Variants in RBBP8 observed in about 807,000 individuals in gnomAD.
RBBP8 encodes RB binding protein 8, endonuclease, also known as DNA endonuclease RBBP8.
RBBP8 carries 88 observed loss-of-function variants against 108.3 expected under a neutral mutation model. The observed-to-expected ratio is 0.81, with a 90% CI of 0.68 to 0.97. The LOEUF is 0.97. RBBP8 is among the 50% of genes least tolerant of loss of function. The probability of loss-of-function intolerance (pLI) is 0.00; values close to 1 mark genes in which losing one functional copy is unlikely to be tolerated. For missense variants in RBBP8, 1,023 were observed against 1,049.0 expected (o/e 0.98, Z 0.34); for synonymous variants, 332 against 348.2 (o/e 0.95, Z 0.52).
intron 3 of RBBP8, among the ~76,000 whole-genome samples, chr18:22,918,675 T>A (rs1909463309): frequency 1.3e-5 from 2 of 152,172 alleles, no homozygotes; most frequent in Non-Finnish European, 1.5e-5. Flanking sequence ...GCCAAGAATT[T>A]ATTTTCTTTC....
intron 2 of RBBP8, among the ~76,000 whole-genome samples, chr18:22,940,607 A>G (rs919507030): frequency 7.9e-5 from 12 of 152,036 alleles, no homozygotes; most frequent in Non-Finnish European, 2.9e-5. Flanking sequence ...GGCGTGAGCC[A>G]CTGCGCCCGG....
chr18:23,024,580 TA>T (rs983276988), intron 18 of RBBP8: 16 of 152,364 alleles, frequency 1.1e-4, no homozygotes, highest in African/African-American at 3.8e-4. Context: ...CCTTGTGGTT[TA>T]AAATACTGAG....
At chr18:22,975,080 A>G in intron 5 of RBBP8, 73 bp from the exon 6 acceptor site, 2 of 1,469,020 alleles carry the variant, frequency 1.4e-6, no homozygotes, top group Middle Eastern at 2.4e-4. Flanking sequence ...ATGCTGACAT[A>G]TTTTATTTGA....
intron 16 of RBBP8, among the ~76,000 whole-genome samples, chr18:23,011,734 C>T (rs1440375521): frequency 6.6e-6 from 1 of 152,020 alleles, no homozygotes; most frequent in Non-Finnish European, 1.5e-5. Flanking sequence ...CCACCGTGCC[C>T]GGCCTGATGC....
chr18:22,993,093 T>A lies in RBBP8; in HGVS notation c.1266T>A (p.Thr422=). Residue 422 remains threonine, a synonymous_variant, in exon 11 of 19, where the codon ACT becomes ACA. Transcript: ENST00000327155. ...ISESLGEQNR[T]EYGKDSNTDK... Reference sequence around the variant, plus strand: ...AATCCCTAGGTGAACAGAATAGGACTGAGTACGGTAAAGATTCTAACACTG... The same window carrying A: ...AATCCCTAGGTGAACAGAATAGGACAGAGTACGGTAAAGATTCTAACACTG... 1 of 1,613,988 alleles carries A rather than the reference T, an allele frequency of 6.2e-7. No individual in the cohort carries two copies. The highest frequency in any genetic ancestry group is 8.5e-7 in the Non-Finnish European group (1 of 1,179,888).
chr18:23,007,013 G>A (rs1747459224), intron 16 of RBBP8, among the ~76,000 whole-genome samples: 1 of 149,898 alleles, frequency 6.7e-6, no homozygotes, highest in African/African-American at 2.4e-5. Flanking sequence ...ATGTGTGTGT[G>A]TGTATTTCTT....
intron 16 of RBBP8, among the ~76,000 whole-genome samples, chr18:23,012,207 CCAAAAAA>C (rs1458420403): frequency 0.038 from 3,058 of 81,214 alleles, 201 homozygotes; most frequent in African/African-American, 0.14. Context: ...GATGCTGTCT[CCAAAAAA>C]AAAAAAAAAA....
rs189366622 is a variant in RBBP8, at chr18:22,972,082, G to A, written c.362-3071G>A. 4.2e-3 allele frequency among the ~76,000 whole-genome samples: 632 copies of A among 151,230 alleles called. 5 individuals carry two copies. The highest frequency in any genetic ancestry group is 0.015 in the African/African-American group (606 of 41,248). On this transcript the variant is annotated intron_variant, in intron 5 of 18. Transcript: ENST00000327155. ...TACGATCCAAAGAATTAGGGCAGGC[G>A]CGTTGGCTCACGCCTGTAATCCCAG...
At position 22,992,898 on chromosome 18, in the gene RBBP8, A is replaced by G. The variant is rs34678569; in HGVS notation, c.1071A>G (p.Lys357=). 1 of 1,613,980 alleles carries G rather than the reference A, an allele frequency of 6.2e-7. No individual in the cohort carries two copies. The highest frequency in any genetic ancestry group is 1.1e-5 in the South Asian group (1 of 91,060). ...CTCTTTTACAGCCTGGGAAAAAAAA[A>G]CATCTGAAAACACTCCCTTTTAGCA... is the stretch of plus-strand genomic sequence containing the variant. ...SPSLLQPGKK[K]HLKTLPFSNT... is the part of the protein sequence containing the mutation. The change falls in exon 11 of 19, where the codon AAA becomes AAG. Residue 357 remains lysine, a synonymous_variant. Transcript: ENST00000327155.
At chr18:22,982,728 A>G (rs751163145) in intron 7 of RBBP8, among the ~76,000 whole-genome samples, 6 of 152,208 alleles carry the variant, frequency 3.9e-5, no homozygotes, top group South Asian at 2.1e-4. Flanking sequence ...GTTAATTTCT[A>G]CCTCCTGTGT....
intron 8 of RBBP8, among the ~76,000 whole-genome samples, chr18:22,985,760 G>C (rs1274499217): frequency 6.6e-6 from 1 of 152,092 alleles, no homozygotes; most frequent in Non-Finnish European, 1.5e-5. Flanking sequence ...TTCATGAGTA[G>C]ATGTGAGTTA....
chr18:23,021,142 G>C (rs2046340280), intron 17 of RBBP8, among the ~76,000 whole-genome samples: 1 of 152,236 alleles, frequency 6.6e-6, no homozygotes, highest in African/African-American at 2.4e-5. Flanking sequence ...ATTCTGGGTG[G>C]CTCACACCTG....
At chr18:22,918,136 C>T (rs1327468092) in intron 3 of RBBP8, among the ~76,000 whole-genome samples, 2 of 151,964 alleles carry the variant, frequency 1.3e-5, no homozygotes, top group Non-Finnish European at 2.9e-5. Flanking sequence ...GAGAGTGGTA[C>T]ACCAAGATGA....
At chr18:22,989,372 GTC>G in intron 9 of RBBP8, 54 bp downstream of exon 9, 4 of 1,311,294 alleles carry the variant, frequency 3.1e-6, no homozygotes, top group Non-Finnish European at 4.4e-6. Flanking sequence ...GTCTTTTTAG[GTC>G]AGTTCTTAGA....
intron 17 of RBBP8, among the ~76,000 whole-genome samples, chr18:23,017,413 G>T (rs898446359): frequency 4.6e-5 from 7 of 151,484 alleles, no homozygotes; most frequent in African/African-American, 1.7e-4. Flanking sequence ...CAGCACTTTG[G>T]GAGGCCAAGG....
chr18:23,007,658 A>G (rs905081577), intron 16 of RBBP8, among the ~76,000 whole-genome samples: 27 of 145,588 alleles, frequency 1.9e-4, no homozygotes, highest in Middle Eastern at 7.8e-3. Context: ...AGATCGCGCC[A>G]CTGCACTCCA....
intron 17 of RBBP8, among the ~76,000 whole-genome samples, chr18:23,018,952 C>T (rs2046305633): frequency 1.3e-5 from 2 of 152,096 alleles, no homozygotes; most frequent in African/African-American, 4.8e-5. Context: ...AATTTAATAA[C>T]CAAGCACATT....
At chr18:23,006,709 C>T (rs963506111) in intron 16 of RBBP8, among the ~76,000 whole-genome samples, 6 of 152,050 alleles carry the variant, frequency 3.9e-5, no homozygotes, top group Non-Finnish European at 8.8e-5. Context: ...ACCACGTTGC[C>T]AAGGCTAATC....
chr18:22,939,657 G>A (rs1318325551), intron 2 of RBBP8, among the ~76,000 whole-genome samples: 1 of 152,156 alleles, frequency 6.6e-6, no homozygotes, highest in African/African-American at 2.4e-5. Context: ...TGTTCATGGA[G>A]ACACAAAGAA....
Sources: allele counts gnomAD v4.1 joint callset (sites outside exome capture counted in the v4.1 genomes callset), GRCh38; gene constraint gnomAD v4.1.1; transcripts MANE v1.5; gene names NCBI Gene and HGNC (gene_info 2026-07-23, HGNC 2026-07-21).